THSD7A: variants seen among roughly 807,000 people sequenced by gnomAD.
THSD7A encodes thrombospondin type 1 domain containing 7A, also known as thrombospondin type-1 domain-containing protein 7A.
A neutral mutation model predicts 231.3 loss-of-function variants in THSD7A; 96 were observed. The observed-to-expected ratio is 0.41, with a 90% CI of 0.35 to 0.49. The LOEUF is 0.49. THSD7A is among the 20% of genes least tolerant of loss of function. The pLI is 0.05. For missense variants in THSD7A, 2,290 were observed against 2,070.2 expected (o/e 1.11, Z -2.06); for synonymous variants, 940 against 743.3 (o/e 1.26, Z -4.30).
intron 13 of THSD7A, among the ~76,000 whole-genome samples, chr7:11,443,507 T>C (rs1784868509): frequency 6.6e-6 from 1 of 152,076 alleles, no homozygotes. Flanking sequence ...TCTCAAGGCA[T>C]GTAATAATCT....
intron 4 of THSD7A, among the ~76,000 whole-genome samples, chr7:11,544,154 C>T (rs1340812931): frequency 6.6e-6 from 1 of 152,014 alleles, no homozygotes; most frequent in African/African-American, 2.4e-5. Context: ...CCATCCAGGC[C>T]AGCATGGTGA....
chr7:11,462,104 A>G lies in THSD7A; in HGVS notation c.2408T>C (p.Ile803Thr). The G allele has an allele frequency of 6.2e-7, 1 of 1,613,816 alleles. No homozygotes were observed. The highest frequency in any genetic ancestry group is 8.5e-7 in the Non-Finnish European group (1 of 1,179,772). Reference protein sequence around the residue: ...SIRKQSRHRVIIQLPANGGRD... With the variant: ...SIRKQSRHRVTIQLPANGGRD... ...GCCCCCGTTGGCTGGCAGCTGAATG[A>G]TGACCCGATGCCTAGACTGCTTCCT... Residue 803 changes from isoleucine to threonine, a missense_variant, in exon 10 of 28, where the codon ATC (isoleucine) becomes ACC (threonine). Ile to Thr is a moderately conservative substitution (Grantham distance 89, BLOSUM62 -1). Coordinates refer to ENST00000423059, the MANE Select transcript of THSD7A (RefSeq NM_015204.3).
chr7:11,490,144 T>G (rs1221011409), intron 6 of THSD7A, among the ~76,000 whole-genome samples: 1 of 152,082 alleles, frequency 6.6e-6, no homozygotes, highest in Non-Finnish European at 1.5e-5. Context: ...GGTAAAAGGC[T>G]GTCTTCCTTC....
chr7:11,456,067 T>TA (rs1289935916), intron 11 of THSD7A, among the ~76,000 whole-genome samples: 1 of 151,966 alleles, frequency 6.6e-6, no homozygotes, highest in African/African-American at 2.4e-5. Flanking sequence ...TTTCTATCAA[T>TA]ATGGAAGGGT....
chr7:11,509,084 G>A (rs1787681565), intron 6 of THSD7A, among the ~76,000 whole-genome samples: 2 of 152,092 alleles, frequency 1.3e-5, no homozygotes, highest in African/African-American at 4.8e-5. Flanking sequence ...ATCATGTTAA[G>A]TATTCTTACC....
intron 23 of THSD7A, among the ~76,000 whole-genome samples, chr7:11,386,613 C>T (rs1782753267): frequency 1.3e-5 from 2 of 152,124 alleles, no homozygotes; most frequent in South Asian, 2.1e-4. Flanking sequence ...GATATTAGCC[C>T]TTTGTCAGAT....
intron 1 of THSD7A, among the ~76,000 whole-genome samples, chr7:11,748,708 C>G (rs1464046019): frequency 2.6e-5 from 4 of 151,726 alleles, no homozygotes; most frequent in South Asian, 2.1e-4. Flanking sequence ...TTTCAGAAAC[C>G]AAGACGTGCT....
intron 1 of THSD7A, among the ~76,000 whole-genome samples, chr7:11,806,610 A>G (rs1784404433): frequency 1.3e-5 from 2 of 152,198 alleles, no homozygotes; most frequent in Non-Finnish European, 1.5e-5. Context: ...TGAAACTTGA[A>G]TGAAAAATAT....
At chr7:11,599,161 G>A (rs960635869) in intron 2 of THSD7A, among the ~76,000 whole-genome samples, 1 of 152,172 alleles carries the variant, frequency 6.6e-6, no homozygotes, top group East Asian at 1.9e-4. Flanking sequence ...TGGAATACAG[G>A]AGATCAATTA....
At chr7:11,825,513 T>C (rs906997554) in intron 1 of THSD7A, among the ~76,000 whole-genome samples, 3 of 152,168 alleles carry the variant, frequency 2.0e-5, no homozygotes, top group South Asian at 2.1e-4. Context: ...AGAAGGCTAA[T>C]GCACATTATT....
At chr7:11,451,849 CTTA>C (rs1785157162) in intron 11 of THSD7A, among the ~76,000 whole-genome samples, 1 of 151,922 alleles carries the variant, frequency 6.6e-6, no homozygotes, top group South Asian at 2.1e-4. Flanking sequence ...ATGAAATTTC[CTTA>C]TTATTCAGGT....
chr7:11,567,267 C>T (rs1458313131), intron 4 of THSD7A, among the ~76,000 whole-genome samples: 1 of 151,780 alleles, frequency 6.6e-6, no homozygotes, highest in Non-Finnish European at 1.5e-5. Context: ...AGACACTTCC[C>T]CCTCAAGGCA....
intron 1 of THSD7A, among the ~76,000 whole-genome samples, chr7:11,656,194 T>C (rs1217175727): frequency 6.6e-6 from 1 of 151,926 alleles, no homozygotes; most frequent in Non-Finnish European, 1.5e-5. Flanking sequence ...CAAGGTGTTG[T>C]GTGCAATGTT....
chr7:11,508,331 A>G (rs1408653276), intron 6 of THSD7A, among the ~76,000 whole-genome samples: 1 of 152,224 alleles, frequency 6.6e-6, no homozygotes, highest in Non-Finnish European at 1.5e-5. Context: ...GTTCAGTGTC[A>G]CTAATCATCA....
chr7:11,558,881 G>A (rs1366122770), intron 4 of THSD7A, among the ~76,000 whole-genome samples: 4 of 152,144 alleles, frequency 2.6e-5, no homozygotes, highest in Admixed American at 2.6e-4. Context: ...AACTTGAGAT[G>A]GGGAAAGTAA....
At chr7:11,666,623 A>G (rs543275214) in intron 1 of THSD7A, among the ~76,000 whole-genome samples, 73 of 152,086 alleles carry the variant, frequency 4.8e-4, no homozygotes, top group African/African-American at 1.7e-3. Flanking sequence ...ATAATAAATT[A>G]TAATTATCTT....
intron 1 of THSD7A, among the ~76,000 whole-genome samples, chr7:11,669,999 G>A (rs1308432714): frequency 6.6e-6 from 1 of 151,892 alleles, no homozygotes. Context: ...GTGTTTATGT[G>A]CAAGCTTGTG....
chr7:11,501,210 TAGAC>T (rs1426963254), intron 6 of THSD7A, among the ~76,000 whole-genome samples: 8 of 152,144 alleles, frequency 5.3e-5, no homozygotes, highest in African/African-American at 1.7e-4. Flanking sequence ...CTGACAGTAT[TAGAC>T]AGATCATTGA....
intron 27 of THSD7A, 46 bp from the exon 28 acceptor site, chr7:11,375,924 T>G (rs757139311): frequency 1.9e-6 from 3 of 1,576,478 alleles, no homozygotes; most frequent in Non-Finnish European, 1.7e-6. Flanking sequence ...AGTTTCTAAT[T>G]GTAAATTTGA....
Sources: gnomAD v4.1 joint callset for allele counts (sites outside exome capture counted in the v4.1 genomes callset) on GRCh38, gnomAD v4.1.1 for gene constraint, MANE v1.5 for transcripts, NCBI Gene and HGNC (gene_info 2026-07-23, HGNC 2026-07-21) for gene names.